The following DTHD1 variants were observed in gnomAD, a reference collection of about 807,000 sequenced individuals.
DTHD1 encodes the protein death domain-containing protein 1.
In DTHD1, 59 loss-of-function variants were observed where a neutral mutation model predicts 74.8. The ratio of observed to expected loss-of-function variants is 0.79; its 90% CI spans 0.64 to 0.98. The LOEUF (loss-of-function observed/expected upper bound fraction) is 0.98. DTHD1 is among the 50% of genes least tolerant of loss of function. The pLI, the probability that DTHD1 is intolerant of heterozygous loss-of-function variation, is 0.00. For synonymous variants in DTHD1, 365 were observed against 371.1 expected, an observed-to-expected ratio of 0.98 and a Z score of 0.19; for missense variants, 1,051 against 1,065.4, an observed-to-expected ratio of 0.99 and a Z score of 0.19.
At chr4:36,334,045 C>T (rs927965014) in intron 8 of DTHD1, 2 of 152,136 alleles carry the variant, frequency 1.3e-5, no homozygotes, top group African/African-American at 4.8e-5. Context: ...CTGAAGTTTA[C>T]TTTTGTCCTG....
At chr4:36,322,485 G>A (rs145551200) in intron 8 of DTHD1, among the ~76,000 whole-genome samples, 130 of 152,234 alleles carry the variant, frequency 8.5e-4, no homozygotes, top group African/African-American at 2.9e-3. Context: ...ACCGAGCTGA[G>A]GAGCAACCGG....
intron 5 of DTHD1, among the ~76,000 whole-genome samples, chr4:36,304,587 C>T (rs1032170707): frequency 5.9e-5 from 9 of 152,192 alleles, no homozygotes; most frequent in Admixed American, 1.3e-4. Flanking sequence ...ATGAAATTCA[C>T]ATTCTGGTCT....
chr4:36,293,608 C>G lies in DTHD1; in HGVS notation c.1301C>G (p.Thr434Arg). ...SCLKKESFTV[T>R]KKGLALKSSM... Reference sequence around the variant, plus strand: ...TTAAAGAAAGAGTCGTTCACAGTAACAAAGAAAGGCCTCGCTCTTAAGTCA... The same window carrying G: ...TTAAAGAAAGAGTCGTTCACAGTAAGAAAGAAAGGCCTCGCTCTTAAGTCA... Residue 434 changes from threonine (T) to arginine (R), a missense_variant, in exon 4 of 10, where the codon ACA becomes AGA. Transcript: ENST00000639862. The G allele has an allele frequency of 1.3e-6, 2 of 1,548,688 alleles. No homozygotes were observed. The highest frequency in any genetic ancestry group is 4.9e-5 in the East Asian group (2 of 40,752).
intron 5 of DTHD1, among the ~76,000 whole-genome samples, chr4:36,302,462 A>G (rs1756833407): frequency 6.6e-6 from 1 of 152,322 alleles, no homozygotes; most frequent in South Asian, 2.1e-4. Flanking sequence ...GGTCATTTGA[A>G]CTGATATCCA....
At position 36,345,850 on chromosome 4, in the gene DTHD1, G is replaced by T. The variant is rs954419854; in HGVS notation, c.*2026G>T. 1 of 151,910 alleles carries T rather than the reference G, an allele frequency of 6.6e-6. No homozygotes were observed. The highest frequency in any genetic ancestry group is 1.9e-4 in the East Asian group (1 of 5,188). The allele number at this position is 151,910 out of a possible 1,614,324, so 9.4% of individuals were successfully genotyped here. A position where few individuals can be genotyped will look rare whatever the true frequency, so the allele number is the denominator to read the frequency against. On this transcript the variant is annotated 3_prime_UTR_variant, in exon 10 of 10. Transcript: ENST00000639862. ...GAAGAAAATATTTCTATTTCTATCG[G>T]TATAGATGTATCTAAGGACACTCAC...
chr4:36,295,654 T>C (rs1756353453), intron 5 of DTHD1, among the ~76,000 whole-genome samples: 4 of 152,094 alleles, frequency 2.6e-5, no homozygotes, highest in Admixed American at 2.0e-4. Context: ...GTCATTTGAA[T>C]AATGAGAATT....
At chr4:36,313,160 C>A (rs960964785) in intron 7 of DTHD1, among the ~76,000 whole-genome samples, 1 of 151,980 alleles carries the variant, frequency 6.6e-6, no homozygotes, top group Non-Finnish European at 1.5e-5. Flanking sequence ...ATTTAATGCC[C>A]ATTATTGAGA....
Position 36,308,315 on chromosome 4 carries a change from C to T in DTHD1, c.1917C>T (p.His639=). The change falls in exon 7 of 10, where the codon CAC becomes CAT. Residue 639 remains histidine (H), a synonymous_variant. Coordinates refer to ENST00000639862, the MANE Select transcript of DTHD1 (RefSeq NM_001170700.3). ...LSTTACIVLS[H]QKDNPHRIAV... ...CCACTGCCTGCATAGTACTGTCTCA[C>T]CAGAAGGACAATCCACATAGAATAG... The T allele has an allele frequency of 6.4e-7, 1 of 1,552,000 alleles. No homozygotes were observed. The highest frequency in any genetic ancestry group is 8.7e-7 in the Non-Finnish European group (1 of 1,147,064).
chr4:36,296,366 C>G (rs1296753429), intron 5 of DTHD1, among the ~76,000 whole-genome samples: 1 of 151,910 alleles, frequency 6.6e-6, no homozygotes, highest in South Asian at 2.1e-4. Context: ...TAATAAGATT[C>G]AAGATATCGA....
rs1311744066 is a variant in DTHD1 at position 36,311,727 on chromosome 4, TGGGCAGCATTCAGTCTCCATCCTATTGGA to T, written c.2095+3250_2095+3278del. On this transcript the variant is annotated intron_variant, in intron 7 of 9. Transcript: ENST00000639862. Reference sequence around the variant, plus strand: ...ATCCATGGAGGCACTGTCCTGCTGGTGGGCAGCATTCAGTCTCCATCCTATTGGAGGGCAGCATTCAGTCCCCAGCACCT... The same window carrying T: ...ATCCATGGAGGCACTGTCCTGCTGGTGGGCAGCATTCAGTCCCCAGCACCT... 189 of 152,264 alleles carry T rather than the reference TGGGCAGCATTCAGTCTCCATCCTATTGGA, an allele frequency of 1.2e-3. 1 individual carries two copies. The highest frequency in any genetic ancestry group is 4.3e-3 in the African/African-American group (179 of 41,548). The allele number at this position is 152,264 out of a possible 1,614,324, so 9.4% of individuals were successfully genotyped here.
chr4:36,306,074 A>T, intron 5 of DTHD1, 117 bp from the exon 6 acceptor site: 1 of 1,016,298 alleles, frequency 9.8e-7, no homozygotes, highest in South Asian at 1.7e-5. Context: ...AATTCCTGGC[A>T]CATAGTATGT....
Position 36,316,397 on chromosome 4 carries a change from A to G in DTHD1, c.2251A>G (p.Lys751Glu). 4.5e-6 allele frequency: 7 copies of G among 1,552,150 alleles called. No individual in the cohort carries two copies. The highest frequency in any genetic ancestry group is 6.1e-6 in the Non-Finnish European group (7 of 1,147,092). ...TGTCGTTTATAAAGTACCTAAAGGA[A>G]AGATAGTCCCCAACTTGAATCAATC... ...TIVVYKVPKGKIVPNLNQSLV... is the reference protein window; with the variant it reads ...TIVVYKVPKGEIVPNLNQSLV... Residue 751 changes from lysine (K) to glutamate (E), a missense_variant, in exon 8 of 10, where the codon AAG becomes GAG. By Grantham distance (56) the Lys-to-Glu change is moderately conservative (BLOSUM62 1). Coordinates refer to ENST00000639862, the MANE Select transcript of DTHD1 (RefSeq NM_001170700.3).
At chr4:36,326,806 A>C (rs917856363) in intron 8 of DTHD1, among the ~76,000 whole-genome samples, 1 of 152,210 alleles carries the variant, frequency 6.6e-6, no homozygotes, top group Non-Finnish European at 1.5e-5. Context: ...AGGAATGACT[A>C]ATAGGATTTC....
rs1757184443 is a variant in DTHD1, at chr4:36,308,399, AG to A, written c.2004del (p.Phe669LeufsTer21). On this transcript the variant is annotated frameshift_variant, in exon 7 of 10. Coordinates refer to ENST00000639862, the MANE Select transcript of DTHD1 (RefSeq NM_001170700.3). LOFTEE classifies it high-confidence loss of function. The stretch of plus-strand genomic sequence containing the variant: ...AGGTGCTTAAGGACCTGCACTTGGA[AG>A]GGTTTGGAGGACCTCCAGAGCCATC... ...SQVLKDLHLE[G>X]FGGPPEPSRH... 1 of 1,551,742 alleles carries A rather than the reference AG, an allele frequency of 6.4e-7. No individual in the cohort carries two copies. Among genetic ancestry groups the A allele is most frequent in the Non-Finnish European group, 8.7e-7 (1 of 1,147,022 alleles).
chr4:36,345,534 G>C lies in DTHD1; in HGVS notation c.*1710G>C, dbSNP rs1759543704. The C allele has an allele frequency of 6.6e-6, 1 of 151,904 alleles. No individual in the cohort carries two copies. The highest frequency in any genetic ancestry group is 6.6e-5 in the Admixed American group (1 of 15,244). 9.4% of individuals were successfully genotyped at this position (151,904 alleles called of 1,614,324 possible). ...AGACTTCCTTCTACAAATTAACCAG[G>C]GATTTAGATATCTATTCAGGTATAT... On this transcript the variant is annotated 3_prime_UTR_variant, in exon 10 of 10. Transcript: ENST00000639862.
At chr4:36,325,368 C>A (rs1476603843) in intron 8 of DTHD1, among the ~76,000 whole-genome samples, 1 of 152,150 alleles carries the variant, frequency 6.6e-6, no homozygotes, top group African/African-American at 2.4e-5. Context: ...GATCTTTTAT[C>A]TTTTGAGTAA....
intron 5 of DTHD1, among the ~76,000 whole-genome samples, chr4:36,304,054 T>C (rs1456686074): frequency 6.6e-6 from 1 of 152,228 alleles, no homozygotes; most frequent in South Asian, 2.1e-4. Context: ...CTGGATATTC[T>C]GGTGAGCAGC....
intron 5 of DTHD1, among the ~76,000 whole-genome samples, chr4:36,303,315 A>T (rs1353684212): frequency 6.6e-6 from 1 of 152,224 alleles, no homozygotes; most frequent in African/African-American, 2.4e-5. Flanking sequence ...TTTAATTTGA[A>T]TGTGGACTGT....
At chr4:36,316,014 T>C (rs1757692633) in intron 7 of DTHD1, among the ~76,000 whole-genome samples, 2 of 152,156 alleles carry the variant, frequency 1.3e-5, no homozygotes, top group African/African-American at 4.8e-5. Context: ...CCGCTCACTG[T>C]AAGCACCGCC....
Sources: gnomAD v4.1 joint callset for allele counts (sites outside exome capture counted in the v4.1 genomes callset) on GRCh38, gnomAD v4.1.1 for gene constraint, MANE v1.5 for transcripts, NCBI Gene and HGNC (gene_info 2026-07-23, HGNC 2026-07-21) for gene names.